PTPRD: variants seen among roughly 807,000 people sequenced by gnomAD.
The protein encoded by PTPRD is protein tyrosine phosphatase receptor type D.
In PTPRD, 34 loss-of-function variants were observed where a neutral mutation model predicts 214.5. That is an observed-to-expected ratio of 0.16 (90% confidence interval 0.12 to 0.21). PTPRD has a LOEUF of 0.21. Ranked by LOEUF, PTPRD falls within the 10% of genes least tolerant of loss-of-function variation. PTPRD has a pLI of 1.00. For synonymous variants in PTPRD, 1,128 were observed against 845.7 expected (o/e 1.33, Z -5.79); for missense variants, 2,545 against 2,398.7 (o/e 1.06, Z -1.27).
At chr9:10,471,561 T>A (rs2099031327) in intron 2 of PTPRD, among the ~76,000 whole-genome samples, 1 of 152,110 alleles carries the variant, frequency 6.6e-6, no homozygotes, top group South Asian at 2.1e-4. Context: ...AATCTCAGTT[T>A]CCAAATCTGG....
At chr9:9,435,396 T>C (rs1314382150) in intron 8 of PTPRD, among the ~76,000 whole-genome samples, 1 of 114,042 alleles carries the variant, frequency 8.8e-6, no homozygotes, top group Non-Finnish European at 1.9e-5. Flanking sequence ...TGGTGGCATG[T>C]GCCTGCAGAC....
intron 11 of PTPRD, among the ~76,000 whole-genome samples, chr9:8,984,176 A>T (rs2099328204): frequency 6.6e-6 from 1 of 152,048 alleles, no homozygotes; most frequent in Non-Finnish European, 1.5e-5. Flanking sequence ...ATTTTTATTG[A>T]GTGAGATATT....
At chr9:8,352,469 T>C (rs1564188832) in intron 39 of PTPRD, among the ~76,000 whole-genome samples, 1 of 152,168 alleles carries the variant, frequency 6.6e-6, no homozygotes. Flanking sequence ...TTTAGAGTGA[T>C]ACAAAATTGC....
intron 7 of PTPRD, among the ~76,000 whole-genome samples, chr9:9,611,766 T>C (rs1161915280): frequency 1.3e-5 from 2 of 152,082 alleles, no homozygotes; most frequent in East Asian, 1.9e-4. Context: ...ACAGTAAAAA[T>C]ATTAGTGTTG....
intron 10 of PTPRD, among the ~76,000 whole-genome samples, chr9:9,064,309 ACT>A (rs1286184464): frequency 6.6e-6 from 1 of 152,090 alleles, no homozygotes; most frequent in African/African-American, 2.4e-5. Context: ...GCTCCAGAAC[ACT>A]CTATCATAGA....
intron 3 of PTPRD, among the ~76,000 whole-genome samples, chr9:10,262,575 G>A (rs2093767493): frequency 6.6e-6 from 1 of 152,194 alleles, no homozygotes; most frequent in Non-Finnish European, 1.5e-5. Flanking sequence ...AAGCTCAAGT[G>A]TATTGACAAA....
intron 3 of PTPRD, among the ~76,000 whole-genome samples, chr9:10,273,961 G>GT (rs1564937281): frequency 1.5e-5 from 2 of 133,070 alleles, no homozygotes; most frequent in African/African-American, 5.0e-5. Context: ...ATGTAATGTA[G>GT]TTTTTAAAAT....
At chr9:10,312,643 T>G (rs1020541925) in intron 3 of PTPRD, among the ~76,000 whole-genome samples, 1 of 151,950 alleles carries the variant, frequency 6.6e-6, no homozygotes. Flanking sequence ...TAGCATATAT[T>G]ATCTATCTCT....
chr9:9,639,209 T>A (rs1236219125), intron 7 of PTPRD, among the ~76,000 whole-genome samples: 2 of 152,190 alleles, frequency 1.3e-5, no homozygotes, highest in East Asian at 3.8e-4. Context: ...ATATTATTTA[T>A]CTCAGTCTTA....
At chr9:9,324,222 G>C (rs186250141) in intron 9 of PTPRD, among the ~76,000 whole-genome samples, 6 of 152,130 alleles carry the variant, frequency 3.9e-5, no homozygotes, top group Non-Finnish European at 7.4e-5. Context: ...GGATGGCTGG[G>C]TCAAATGGTA....
At chr9:8,745,666 T>TCTG (rs1210404163) in intron 11 of PTPRD, among the ~76,000 whole-genome samples, 1 of 152,196 alleles carries the variant, frequency 6.6e-6, no homozygotes, top group East Asian at 1.9e-4. Flanking sequence ...GATTAACCAG[T>TCTG]AATAGATTTT....
At chr9:8,817,886 A>C (rs1241247055) in intron 11 of PTPRD, among the ~76,000 whole-genome samples, 1 of 152,186 alleles carries the variant, frequency 6.6e-6, no homozygotes, top group East Asian at 1.9e-4. Context: ...GGTTGGAAAT[A>C]ATAACCAAGA....
Position 8,320,048 on chromosome 9 carries a change from A to G in PTPRD, c.5535-82T>C, listed in dbSNP as rs971097643. On this transcript the variant is annotated intron_variant, in intron 44 of 45. Transcript: ENST00000381196. ...TTTGCTTGGGTGTGGACATACTTCT[A>G]CCAGCTTCCACACTCCGTATCTCTT... 2.1e-5 allele frequency: 32 copies of G among 1,507,218 alleles called. No individual in the cohort carries two copies. The African/African-American group carries it at 4.1e-4, about 19-fold the overall frequency. 93.4% of individuals were successfully genotyped at this position (1,507,218 alleles called of 1,614,324 possible).
At chr9:8,955,283 A>G (rs1468330897) in intron 11 of PTPRD, among the ~76,000 whole-genome samples, 1 of 151,874 alleles carries the variant, frequency 6.6e-6, no homozygotes, top group Non-Finnish European at 1.5e-5. Context: ...TTACTTATGG[A>G]TTCCTGGAGA....
chr9:10,507,618 G>T (rs539075336), intron 2 of PTPRD, among the ~76,000 whole-genome samples: 1 of 151,712 alleles, frequency 6.6e-6, no homozygotes, highest in African/African-American at 2.4e-5. Flanking sequence ...CCAATGGAAC[G>T]GAACAGAGCC....
chr9:10,455,841 A>T (rs73390356), intron 2 of PTPRD, among the ~76,000 whole-genome samples: 14,636 of 151,818 alleles, frequency 0.096, 1,260 homozygotes, highest in African/African-American at 0.22. Flanking sequence ...TTTCAGTAGA[A>T]TATAAAATAT....
chr9:8,370,299 A>G lies in PTPRD; in HGVS notation c.4661+5637T>C, dbSNP rs778571063. ...TATCTGACAACCTTTACACATGTGC[A>G]GTAAAGAGCTAAGTATAAGGGACTA... is the stretch of plus-strand genomic sequence containing the variant. On this transcript the variant is annotated intron_variant, in intron 39 of 45. Transcript: ENST00000381196. Among the ~76,000 whole-genome samples, 8 of 152,108 alleles carry G rather than the reference A, an allele frequency of 5.3e-5. 1 individual carries two copies. The South Asian group carries it at 1.7e-3, about 32-fold the overall frequency.
intron 10 of PTPRD, among the ~76,000 whole-genome samples, chr9:9,052,657 T>C (rs2099688478): frequency 6.6e-6 from 1 of 152,184 alleles, no homozygotes; most frequent in Admixed American, 6.5e-5. Context: ...TTCTGTTACA[T>C]AGCGTCTCAA....
chr9:9,163,267 C>T (rs950826314), intron 10 of PTPRD, among the ~76,000 whole-genome samples: 2 of 152,048 alleles, frequency 1.3e-5, no homozygotes, highest in African/African-American at 4.8e-5. Context: ...TAGCTGGTTA[C>T]TAAAACTGCA....
Sources: gnomAD v4.1 joint callset for allele counts (sites outside exome capture counted in the v4.1 genomes callset) on GRCh38, gnomAD v4.1.1 for gene constraint, MANE v1.5 for transcripts, NCBI Gene and HGNC (gene_info 2026-07-23, HGNC 2026-07-21) for gene names.